Variants in PCDHGA7 observed in about 807,000 individuals in gnomAD.
PCDHGA7 encodes protocadherin gamma subfamily A, 7.
Under a neutral mutation model 58.3 loss-of-function variants are expected in PCDHGA7, and 44 were observed. That is an observed-to-expected ratio of 0.75 (90% CI 0.59 to 0.97). PCDHGA7 has a LOEUF of 0.97. PCDHGA7 is among the 50% of genes least tolerant of loss of function. PCDHGA7 has a pLI of 0.00. For missense variants in PCDHGA7, 1,266 were observed against 1,188.7 expected (o/e 1.06, Z -0.96); for synonymous variants, 516 against 504.2 (o/e 1.02, Z -0.31).
chr5:141,438,735 C>T (rs2098057719), intron 1 of PCDHGA7, among the ~76,000 whole-genome samples: 1 of 149,150 alleles, frequency 6.7e-6, no homozygotes, highest in South Asian at 2.1e-4. Context: ...GATCTCAGCT[C>T]ACTGCAACCT....
intron 1 of PCDHGA7, chr5:141,409,349 A>G: frequency 6.2e-7 from 1 of 1,614,030 alleles, no homozygotes. Context: ...TGGAGAAGTC[A>G]GGTGTAATAT....
intron 1 of PCDHGA7, chr5:141,394,106 T>C: frequency 1.2e-6 from 2 of 1,613,942 alleles, no homozygotes; most frequent in Non-Finnish European, 1.7e-6. Flanking sequence ...GAACACCACC[T>C]CTGTCCACTG....
In PCDHGA7 at chr5:141,511,539, C is replaced by CGAGAT; in HGVS notation, c.*366_*367insGAGAT. 3.0e-6 allele frequency: 1 copy of CGAGAT among 328,342 alleles called. No individual in the cohort carries two copies. Among genetic ancestry groups the CGAGAT allele is most frequent in the South Asian group, 3.2e-5 (1 of 31,708 alleles). 20.3% of individuals were successfully genotyped at this position (328,342 alleles called of 1,614,324 possible). On this transcript the variant is annotated 3_prime_UTR_variant, in exon 4 of 4. Transcript: ENST00000518325. ...CATCCCATGCCTCCCTCCTCCCCAC[C>CGAGAT]CCACTCCAACAGTTCCTCTTTCCCG...
rs368585389 is a variant in PCDHGA7, at chr5:141,419,428, G to A, written c.2424+34105G>A. On this transcript the variant is annotated intron_variant, in intron 1 of 3. Coordinates refer to ENST00000518325, the MANE Select transcript of PCDHGA7 (RefSeq NM_018920.4). ...TCGCGCAGCGCGCCTTCGACCACGAGCAGCTGCGCACCTTCGAGCTCACGC... is the reference window on the plus strand; with the variant it reads ...TCGCGCAGCGCGCCTTCGACCACGAACAGCTGCGCACCTTCGAGCTCACGC... 4 of 1,613,192 alleles carry A rather than the reference G, an allele frequency of 2.5e-6. No individual in the cohort carries two copies. In the African/African-American group the frequency reaches 4.0e-5, roughly 16 times the overall value.
chr5:141,383,393 A>G lies in PCDHGA7; in HGVS notation c.494A>G (p.Asn165Ser). The change falls in exon 1 of 4, where the codon AAC becomes AGC. Residue 165 changes from asparagine to serine, a missense_variant. Physicochemically the swap from Asn to Ser is conservative, Grantham distance 46. Coordinates refer to ENST00000518325, the MANE Select transcript of PCDHGA7 (RefSeq NM_018920.4). ...SEAGDPDVGT[N>S]SLQSYQLSPN... ...GCTGGGGATCCAGATGTGGGCACGA[A>G]CTCCCTCCAGAGTTACCAGCTCAGC... The G allele has an allele frequency of 6.2e-7, 1 of 1,613,922 alleles. No individual in the cohort carries two copies. Among genetic ancestry groups the G allele is most frequent in the Non-Finnish European group, 8.5e-7 (1 of 1,179,892 alleles).
intron 1 of PCDHGA7, chr5:141,423,965 T>C (rs911812056): frequency 8.1e-5 from 94 of 1,162,030 alleles, no homozygotes; most frequent in Admixed American, 1.3e-4. Context: ...TATTTTTCTA[T>C]TATCAGTGTA....
At chr5:141,408,971 C>G (rs763728764) in intron 1 of PCDHGA7, 4 of 1,613,698 alleles carry the variant, frequency 2.5e-6, no homozygotes, top group Non-Finnish European at 3.4e-6. Flanking sequence ...AAATCTGCCC[C>G]CTGGGTCCCC....
rs1196083589 is a variant in PCDHGA7, at chr5:141,486,525, A to G, written c.2425-8282A>G. On this transcript the variant is annotated intron_variant, in intron 1 of 3. Coordinates refer to ENST00000518325, the MANE Select transcript of PCDHGA7 (RefSeq NM_018920.4). This position sits in a 1 kb window ranked among gnomAD's most constrained non-coding sequence, Gnocchi z 5.0. ...CTCAATATTTCAGATGTGAATGATA[A>G]TCCACCCTCTTTCTTTCAGAGGTCA... 1 of 1,614,158 alleles carries G rather than the reference A, an allele frequency of 6.2e-7. No individual in the cohort carries two copies. Among genetic ancestry groups the G allele is most frequent in the African/African-American group, 1.3e-5 (1 of 75,054 alleles).
chr5:141,470,262 A>C (rs924170384), intron 1 of PCDHGA7, among the ~76,000 whole-genome samples: 2 of 152,126 alleles, frequency 1.3e-5, no homozygotes, highest in African/African-American at 4.8e-5. Context: ...CTAAATGGAG[A>C]TACATGTTTG....
At chr5:141,388,764 T>A in intron 1 of PCDHGA7, 1 of 1,613,990 alleles carries the variant, frequency 6.2e-7, no homozygotes. Flanking sequence ...TGACCTGAAC[T>A]CTAACACCGG....
intron 1 of PCDHGA7, chr5:141,428,308 G>A (rs2097132099): frequency 1.5e-6 from 1 of 685,734 alleles, no homozygotes; most frequent in Non-Finnish European, 2.6e-6. Context: ...TTACCTGGTC[G>A]TGGCCTTGGC....
At position 141,489,384 on chromosome 5, in the gene PCDHGA7, T is replaced by G; in HGVS notation, c.2425-5423T>G. The G allele has an allele frequency of 6.2e-7, 1 of 1,613,986 alleles. No individual in the cohort carries two copies. The highest frequency in any genetic ancestry group is 1.3e-5 in the African/African-American group (1 of 75,042). On this transcript the variant is annotated intron_variant, in intron 1 of 3. Transcript: ENST00000518325. This position sits in a 1 kb window ranked among gnomAD's most constrained non-coding sequence, Gnocchi z 4.5. ...AGCCGGGGACGCTGGTGGGGAATGT[T>G]GCTCAGGATCTGGGCTTAAAGATGA...
intron 1 of PCDHGA7, 110 bp downstream of exon 1, chr5:141,385,433 G>A (rs2024141): frequency 0.085 from 123,181 of 1,452,862 alleles, 5,787 homozygotes; most frequent in East Asian, 0.14. Context: ...ACTTTATAGA[G>A]GTAAAAATGA....
intron 1 of PCDHGA7, chr5:141,428,207 T>G (rs1213295979): frequency 7.6e-7 from 1 of 1,308,340 alleles, no homozygotes; most frequent in African/African-American, 1.4e-5. Context: ...GCCGCTACGC[T>G]TCACCTAGTC....
At chr5:141,409,832 G>A (rs777679132) in intron 1 of PCDHGA7, 20 of 1,610,814 alleles carry the variant, frequency 1.2e-5, no homozygotes, top group Non-Finnish European at 1.6e-5. Context: ...CACGCTCAGC[G>A]CCAACGTGAG....
intron 1 of PCDHGA7, among the ~76,000 whole-genome samples, chr5:141,450,829 A>AT (rs373424450): frequency 7.2e-4 from 97 of 135,128 alleles, no homozygotes; most frequent in East Asian, 1.8e-3. Flanking sequence ...TATTATTATT[A>AT]TTTTTTTTTT....
intron 1 of PCDHGA7, among the ~76,000 whole-genome samples, chr5:141,472,071 A>G (rs1243864250): frequency 6.6e-6 from 1 of 152,200 alleles, no homozygotes. Context: ...GTCTGTGGTT[A>G]TATCAATGAG....
chr5:141,415,521 G>T lies in PCDHGA7; in HGVS notation c.2424+30198G>T, dbSNP rs1357538686. 2.5e-6 allele frequency: 4 copies of T among 1,614,070 alleles called. No individual in the cohort carries two copies. The African/African-American group carries it at 5.3e-5, about 22-fold the overall frequency. Reference sequence around the variant, plus strand: ...TCCCCCAGCCCAATTATGCGGACACGCTCATCAGCCAGGAGAGCTGTGAGA... The same window carrying T: ...TCCCCCAGCCCAATTATGCGGACACTCTCATCAGCCAGGAGAGCTGTGAGA... On this transcript the variant is annotated intron_variant, in intron 1 of 3. Coordinates refer to ENST00000518325, the MANE Select transcript of PCDHGA7 (RefSeq NM_018920.4).
intron 1 of PCDHGA7, among the ~76,000 whole-genome samples, chr5:141,457,898 A>T (rs1035775197): frequency 6.6e-6 from 1 of 151,874 alleles, no homozygotes; most frequent in Non-Finnish European, 1.5e-5. Context: ...GACTGTGTAG[A>T]CAAGGTGTGA....
Sources: allele counts gnomAD v4.1 joint callset (sites outside exome capture counted in the v4.1 genomes callset), GRCh38; gene constraint gnomAD v4.1.1; non-coding constraint Gnocchi (gnomAD v3.1); transcripts MANE v1.5; gene names NCBI Gene and HGNC (gene_info 2026-07-23, HGNC 2026-07-21).